The following L3MBTL4 variants were observed in gnomAD, a reference collection of about 807,000 sequenced individuals.
L3MBTL4 encodes lethal(3)malignant brain tumor-like protein 4.
In L3MBTL4, 70 loss-of-function variants were observed where a neutral mutation model predicts 84.5. That is an observed-to-expected ratio of 0.83 (90% CI 0.68 to 1.01). The LOEUF is 1.01. Ranked by LOEUF, L3MBTL4 falls within the 50% of genes least tolerant of loss-of-function variation. The probability of loss-of-function intolerance (pLI) is 0.00; values close to 1 mark genes in which losing one functional copy is unlikely to be tolerated. For missense variants in L3MBTL4, 715 were observed against 754.8 expected (o/e 0.95, Z 0.62); for synonymous variants, 274 against 259.8 (o/e 1.05, Z -0.52).
At chr18:6,265,554 A>G (rs1489217375) in intron 4 of L3MBTL4, among the ~76,000 whole-genome samples, 1 of 152,208 alleles carries the variant, frequency 6.6e-6, no homozygotes, top group African/African-American at 2.4e-5. Flanking sequence ...CGAAAACTAT[A>G]TTTTTATGCT....
intron 16 of L3MBTL4, among the ~76,000 whole-genome samples, chr18:5,985,781 G>A (rs1461035574): frequency 6.6e-6 from 1 of 152,170 alleles, no homozygotes; most frequent in Admixed American, 6.5e-5. Flanking sequence ...TAGAGCACGA[G>A]ACTAGGGAAA....
chr18:6,012,874 T>C (rs1315762470), intron 16 of L3MBTL4, among the ~76,000 whole-genome samples: 2 of 152,168 alleles, frequency 1.3e-5, no homozygotes, highest in African/African-American at 4.8e-5. Context: ...GCTGTGCCTT[T>C]ACTCTCTGTG....
intron 12 of L3MBTL4, among the ~76,000 whole-genome samples, chr18:6,179,815 T>A (rs900793379): frequency 1.3e-5 from 2 of 152,148 alleles, no homozygotes; most frequent in African/African-American, 4.8e-5. Flanking sequence ...TATTTTGTTT[T>A]TTTGTAGAGT....
intron 5 of L3MBTL4, among the ~76,000 whole-genome samples, chr18:6,251,030 A>G (rs2047901175): frequency 6.6e-6 from 1 of 152,230 alleles, no homozygotes; most frequent in Non-Finnish European, 1.5e-5. Flanking sequence ...ACAAAATTTG[A>G]TGACTTTCTT....
intron 16 of L3MBTL4, among the ~76,000 whole-genome samples, chr18:6,033,873 C>T (rs564962): frequency 0.039 from 5,925 of 152,214 alleles, 378 homozygotes; most frequent in African/African-American, 0.14. Flanking sequence ...ATGCCCCAAA[C>T]CATAAACTAA....
chr18:6,131,469 G>T, intron 14 of L3MBTL4, among the ~76,000 whole-genome samples: 1 of 152,114 alleles, frequency 6.6e-6, no homozygotes, highest in East Asian at 1.9e-4. Flanking sequence ...TGCAAGAAGT[G>T]TCTTGTAAAA....
chr18:5,997,577 C>A (rs2054031212), intron 16 of L3MBTL4, among the ~76,000 whole-genome samples: 1 of 152,178 alleles, frequency 6.6e-6, no homozygotes, highest in African/African-American at 2.4e-5. Context: ...AAGAATGCAA[C>A]CATTTGTCTC....
chr18:5,979,460 C>G (rs1258141018), intron 16 of L3MBTL4, among the ~76,000 whole-genome samples: 1 of 152,192 alleles, frequency 6.6e-6, no homozygotes, highest in Non-Finnish European at 1.5e-5. Flanking sequence ...CTGGGCCCCT[C>G]TTAATCATCT....
intron 13 of L3MBTL4, among the ~76,000 whole-genome samples, chr18:6,169,123 A>G (rs1391151839): frequency 1.3e-5 from 2 of 152,234 alleles, no homozygotes. Context: ...TCAAAACCAC[A>G]ATGAGATACC....
intron 13 of L3MBTL4, among the ~76,000 whole-genome samples, chr18:6,153,537 T>C (rs528626424): frequency 6.6e-6 from 1 of 152,294 alleles, no homozygotes; most frequent in Non-Finnish European, 1.5e-5. Flanking sequence ...TTTTTGTATA[T>C]TGATTTTGTA....
chr18:6,222,501 T>C (rs2046599744), intron 10 of L3MBTL4, among the ~76,000 whole-genome samples: 2 of 152,230 alleles, frequency 1.3e-5, no homozygotes, highest in African/African-American at 2.4e-5. Context: ...CCATGGCTCA[T>C]GCGGGATCTA....
chr18:6,176,293 C>G (rs1442500950), intron 12 of L3MBTL4, among the ~76,000 whole-genome samples: 1 of 152,118 alleles, frequency 6.6e-6, no homozygotes, highest in Non-Finnish European at 1.5e-5. Context: ...CTGATACTAT[C>G]TGAATTTTAG....
At chr18:6,300,012 A>G (rs2050267119) in intron 4 of L3MBTL4, among the ~76,000 whole-genome samples, 1 of 152,066 alleles carries the variant, frequency 6.6e-6, no homozygotes, top group African/African-American at 2.4e-5. Flanking sequence ...TAAATATACT[A>G]TGTGTACATA....
intron 14 of L3MBTL4, among the ~76,000 whole-genome samples, chr18:6,125,258 C>G: frequency 6.6e-6 from 1 of 151,896 alleles, no homozygotes; most frequent in East Asian, 1.9e-4. Context: ...AAGAACACAA[C>G]AAAAGAAACA....
Position 5,956,107 on chromosome 18 carries a change from T to C in L3MBTL4, c.*113A>G. The C allele has an allele frequency of 1.1e-6, 1 of 896,262 alleles. No homozygotes were observed. The highest frequency in any genetic ancestry group is 1.7e-6 in the Non-Finnish European group (1 of 573,336). 55.5% of individuals were successfully genotyped at this position (896,262 alleles called of 1,614,324 possible). On this transcript the variant is annotated 3_prime_UTR_variant, in exon 19 of 19. Coordinates refer to ENST00000317931, the MANE Select transcript of L3MBTL4 (RefSeq NM_001330559.2). ...AACAAATCACAGACACTTTAAAAAG[T>C]CCAGATTCAGTGTGGATACGGCCAT...
chr18:6,390,076 A>G (rs1222694312), intron 1 of L3MBTL4, among the ~76,000 whole-genome samples: 1 of 152,204 alleles, frequency 6.6e-6, no homozygotes, highest in Non-Finnish European at 1.5e-5. Flanking sequence ...TATATTTTTA[A>G]AAACTGAAGT....
chr18:6,275,538 A>T (rs2049044868), intron 4 of L3MBTL4, among the ~76,000 whole-genome samples: 1 of 152,014 alleles, frequency 6.6e-6, no homozygotes, highest in South Asian at 2.1e-4. Context: ...AAAAACAGGG[A>T]ATGTGTGCTG....
chr18:6,253,678 AGG>A (rs2048020964), intron 5 of L3MBTL4, among the ~76,000 whole-genome samples: 1 of 152,250 alleles, frequency 6.6e-6, no homozygotes, highest in Non-Finnish European at 1.5e-5. Context: ...GGACAACCAC[AGG>A]CTGCATCCTT....
intron 13 of L3MBTL4, among the ~76,000 whole-genome samples, chr18:6,147,616 A>G (rs1324457825): frequency 6.6e-6 from 1 of 152,226 alleles, no homozygotes; most frequent in Non-Finnish European, 1.5e-5. Context: ...TCTGCCTGAC[A>G]TAGGGATATG....
Sources: allele counts gnomAD v4.1 joint callset (sites outside exome capture counted in the v4.1 genomes callset), GRCh38; gene constraint gnomAD v4.1.1; transcripts MANE v1.5; gene names NCBI Gene and HGNC (gene_info 2026-07-23, HGNC 2026-07-21).